The following JMJD8 variants were observed in gnomAD, a reference collection of about 807,000 sequenced individuals.
The protein encoded by JMJD8 is jmjC domain-containing protein 8.
In JMJD8, 56 loss-of-function variants were observed where a neutral mutation model predicts 37.6. The ratio of observed to expected loss-of-function variants is 1.49; its 90% CI spans 1.20 to 1.86. JMJD8 has a LOEUF of 1.86. Ranked by LOEUF, JMJD8 falls within the 40% of genes most tolerant of loss-of-function variation. The pLI is 0.00. For synonymous variants in JMJD8, 261 were observed against 163.7 expected (o/e 1.59, Z -4.54); for missense variants, 542 against 362.7 (o/e 1.49, Z -4.01).
At position 682,515 on chromosome 16, in the gene JMJD8, G is replaced by T; in HGVS notation, c.*279C>A. The T allele has an allele frequency of 6.2e-7, 1 of 1,612,508 alleles. No homozygotes were observed. Among genetic ancestry groups the T allele is most frequent in the Non-Finnish European group, 8.5e-7 (1 of 1,179,670 alleles). On this transcript the variant is annotated 3_prime_UTR_variant, in exon 9 of 9. Transcript: ENST00000609261. Reference sequence around the variant, plus strand: ...GGTTCCCTGCCCTACCTGGCGTCCTGGTCCAGGGGAGCCCTGGGCAGAAGC... The same window carrying T: ...GGTTCCCTGCCCTACCTGGCGTCCTTGTCCAGGGGAGCCCTGGGCAGAAGC...
chr16:683,779 C>A lies in JMJD8; in HGVS notation c.228G>T (p.Arg76Ser). Residue 76 changes from arginine (R) to serine (S), a missense_variant and splice_region_variant, in exon 4 of 9, where the codon AGG becomes AGT. Arg to Ser is a moderately radical substitution (Grantham distance 110). Coordinates refer to ENST00000609261, the MANE Select transcript of JMJD8 (RefSeq NM_001005920.4). ...VILQGLTDNS[R>S]FRALCSRDRL... Reference sequence around the variant, plus strand: ...TGTCGCGGGAGCACAGGGCCCGGAACCTCTGCGGGGGCGGGGAGGGGACTT... The same window carrying A: ...TGTCGCGGGAGCACAGGGCCCGGAAACTCTGCGGGGGCGGGGAGGGGACTT... 1 of 1,606,226 alleles carries A rather than the reference C, an allele frequency of 6.2e-7. No homozygotes were observed. The highest frequency in any genetic ancestry group is 8.5e-7 in the Non-Finnish European group (1 of 1,177,104).
chr16:684,022 G>T (rs1304451752), intron 2 of JMJD8, 44 bp downstream of exon 2: 2 of 1,568,022 alleles, frequency 1.3e-6, no homozygotes, highest in South Asian at 2.3e-5. Flanking sequence ...GGGCAGACGG[G>T]CCGGTGAACA....
rs776420609 is a variant in JMJD8, at chr16:684,023, C to T, written c.176+43G>A. 4.5e-6 allele frequency: 7 copies of T among 1,568,706 alleles called. 1 individual carries two copies. In the South Asian group the frequency reaches 4.6e-5, roughly 10 times the overall value. On this transcript the variant is annotated intron_variant, in intron 2 of 8. Coordinates refer to ENST00000609261, the MANE Select transcript of JMJD8 (RefSeq NM_001005920.4). ...GCCTTGGGCGGTCGGGGCAGACGGG[C>T]CGGTGAACAGGACGCGACCTCCGCG...
Position 682,557 on chromosome 16 carries a change from T to C in JMJD8, c.*237A>G, listed in dbSNP as rs2039714666. The C allele has an allele frequency of 1.9e-6, 3 of 1,597,250 alleles. No homozygotes were observed. The highest frequency in any genetic ancestry group is 2.2e-5 in the South Asian group (2 of 89,798). ...GGCAGAAGCCCCCGGCCCCTATACA[T>C]AGTTTATGTTCCTGGCCACCCCGAC... is the stretch of plus-strand genomic sequence containing the variant. On this transcript the variant is annotated 3_prime_UTR_variant, in exon 9 of 9. Transcript: ENST00000609261.
rs1265262456 is a variant in JMJD8, at chr16:683,607, AAG to A, written c.323-11_323-10del. ...CTGGAAGGGCAAGTCCACTGCAGGA[AAG>A]AGACGGGTCAGGACCGTCTGGTCCA... On this transcript the variant is annotated splice_polypyrimidine_tract_variant and intron_variant, in intron 4 of 8. Coordinates refer to ENST00000609261, the MANE Select transcript of JMJD8 (RefSeq NM_001005920.4). 1 of 1,577,598 alleles carries A rather than the reference AAG, an allele frequency of 6.3e-7. No individual in the cohort carries two copies. The highest frequency in any genetic ancestry group is 1.8e-5 in the Admixed American group (1 of 54,478).
In JMJD8 at chr16:683,741, G is replaced by A. The variant is rs547697921; in HGVS notation, c.266C>T (p.Ser89Leu). The change falls in exon 4 of 9, where the codon TCG becomes TTG. Residue 89 changes from serine (S) to leucine (L), a missense_variant. By Grantham distance (145) the Ser-to-Leu change is moderately radical. Transcript: ENST00000609261. Reference sequence around the variant, plus strand: ...CAGCCGGACCACTCTGTCCCCAAACGAAGCCAGCAACCTGTCGCGGGAGCA... The same window carrying A: ...CAGCCGGACCACTCTGTCCCCAAACAAAGCCAGCAACCTGTCGCGGGAGCA... ...ALCSRDRLLA[S>L]FGDRVVRLST... 3.1e-6 allele frequency: 5 copies of A among 1,610,140 alleles called. No homozygotes were observed. The South Asian group carries it at 3.3e-5, about 11-fold the overall frequency.
chr16:682,572 G>C lies in JMJD8; in HGVS notation c.*222C>G, dbSNP rs1011904583. 14 of 1,577,452 alleles carry C rather than the reference G, an allele frequency of 8.9e-6. No individual in the cohort carries two copies. Among genetic ancestry groups the C allele is most frequent in the Non-Finnish European group, 1.1e-5 (13 of 1,157,590 alleles). On this transcript the variant is annotated 3_prime_UTR_variant, in exon 9 of 9. Transcript: ENST00000609261. ...CCCCTATACATAGTTTATGTTCCTG[G>C]CCACCCCGACCGCTTCCCCCAAGTT...
rs756433419 is a variant in JMJD8 at position 683,009 on chromosome 16, A to G, written c.658T>C (p.Tyr220His). The G allele has an allele frequency of 4.3e-6, 7 of 1,613,366 alleles. No individual in the cohort carries two copies. The highest frequency in any genetic ancestry group is 5.9e-6 in the Non-Finnish European group (7 of 1,179,860). ...CGTGCAGACGGTGGCAGGGCTGGGT[A>G]TGTGTCCCGGAGCCAGGCCAGCGTG... ...KTTLAWLRDT[Y>H]PALPPSARPL... is the part of the protein sequence containing the mutation. Residue 220 changes from tyrosine (Y) to histidine (H), a missense_variant, in exon 8 of 9, where the codon TAC becomes CAC. Tyr to His is a moderately conservative substitution (Grantham distance 83). Transcript: ENST00000609261.
rs2039683136 is a variant in JMJD8 at position 682,040 on chromosome 16, G to A, written c.*754C>T. The A allele has an allele frequency of 3.1e-6, 5 of 1,590,492 alleles. No homozygotes were observed. Among genetic ancestry groups the A allele is most frequent in the East Asian group, 2.3e-5 (1 of 44,338 alleles). On this transcript the variant is annotated 3_prime_UTR_variant, in exon 9 of 9. Coordinates refer to ENST00000609261, the MANE Select transcript of JMJD8 (RefSeq NM_001005920.4). The stretch of plus-strand genomic sequence containing the variant: ...CACAGGACAAGTACATGGCGGACAT[G>A]GACGAGCTTTTTTCTCAGGTGGATG...
rs777761356 is a variant in JMJD8, at chr16:683,679, G to A, written c.322+6C>T. ...ATGGGCGGGCCCCAGGGGTGAGGCC[G>A]CGTACCTTTGTGGTAGGAGTAGGTG... On this transcript the variant is annotated splice_donor_region_variant and intron_variant, in intron 4 of 8. Coordinates refer to ENST00000609261, the MANE Select transcript of JMJD8 (RefSeq NM_001005920.4). 1.1e-5 allele frequency: 18 copies of A among 1,597,306 alleles called. No individual in the cohort carries two copies. The highest frequency in any genetic ancestry group is 9.0e-5 in the South Asian group (8 of 88,620).
chr16:681,716 G>C lies in JMJD8; in HGVS notation c.*1078C>G. On this transcript the variant is annotated 3_prime_UTR_variant, in exon 9 of 9. Transcript: ENST00000609261. ...CAAGCAGGAAATGTGGGGAAGTGTG[G>C]ATGTTAGCTCTGAGATTGGGGTGTG... 6.4e-7 allele frequency: 1 copy of C among 1,552,486 alleles called. No homozygotes were observed. Among genetic ancestry groups the C allele is most frequent in the East Asian group, 2.3e-5 (1 of 44,168 alleles).
chr16:684,147 C>T lies in JMJD8; in HGVS notation c.95G>A (p.Gly32Asp), dbSNP rs2151512750. 8.8e-6 allele frequency: 13 copies of T among 1,483,164 alleles called. No individual in the cohort carries two copies. Among genetic ancestry groups the T allele is most frequent in the Middle Eastern group, 2.0e-4 (1 of 5,032 alleles). 91.9% of individuals were successfully genotyped at this position (1,483,164 alleles called of 1,614,324 possible). The change falls in exon 2 of 9, where the codon GGC becomes GAC. Residue 32 changes from glycine to aspartate, a missense_variant. Physicochemically the swap from Gly to Asp is moderately conservative, Grantham distance 94 (BLOSUM62 -1). Coordinates refer to ENST00000609261, the MANE Select transcript of JMJD8 (RefSeq NM_001005920.4). Reference sequence around the variant, plus strand: ...CTCCTCCGCCACGGCCCCCGGCCCGCCCGGGCGCCTGCGGGCACAGCTGGG... The same window carrying T: ...CTCCTCCGCCACGGCCCCCGGCCCGTCCGGGCGCCTGCGGGCACAGCTGGG... The part of the protein sequence containing the change: ...GAEGDGGWRP[G>D]GPGAVAEEER...
At position 682,001 on chromosome 16, in the gene JMJD8, A is replaced by G. The variant is rs1239820446; in HGVS notation, c.*793T>C. The G allele has an allele frequency of 3.7e-6, 6 of 1,609,962 alleles. No homozygotes were observed. Among genetic ancestry groups the G allele is most frequent in the African/African-American group, 1.3e-5 (1 of 74,882 alleles). ...GAGGTGGGGTGTCTCCCCCAAGCAC[A>G]GCACTCAACTCTTCACAGGACAAGT... On this transcript the variant is annotated 3_prime_UTR_variant, in exon 9 of 9. Coordinates refer to ENST00000609261, the MANE Select transcript of JMJD8 (RefSeq NM_001005920.4).
rs541510778 is a variant in JMJD8, at chr16:681,943, G to C, written c.*851C>G. On this transcript the variant is annotated 3_prime_UTR_variant, in exon 9 of 9. Transcript: ENST00000609261. Reference sequence around the variant, plus strand: ...GTGCACGTGGCGTGGGAGCATCCCCGCCTTGTGTTGGGTCTGTGCCCCATG... The same window carrying C: ...GTGCACGTGGCGTGGGAGCATCCCCCCCTTGTGTTGGGTCTGTGCCCCATG... 1.7e-5 allele frequency: 28 copies of C among 1,612,436 alleles called. No individual in the cohort carries two copies. The highest frequency in any genetic ancestry group is 4.4e-5 in the South Asian group (4 of 91,050).
rs755200477 is a variant in JMJD8, at chr16:681,990, C to T, written c.*804G>A. 1.9e-5 allele frequency: 30 copies of T among 1,610,370 alleles called. No individual in the cohort carries two copies. The Admixed American group carries it at 4.3e-4, about 23-fold the overall frequency. ...CATGGAGGAGGGAGGTGGGGTGTCT[C>T]CCCCAAGCACAGCACTCAACTCTTC... On this transcript the variant is annotated 3_prime_UTR_variant, in exon 9 of 9. Coordinates refer to ENST00000609261, the MANE Select transcript of JMJD8 (RefSeq NM_001005920.4).
chr16:683,254 T>G lies in JMJD8; in HGVS notation c.512-20A>C. ...CAGCTCCTGTGGGGTTATGAGCACC[T>G]GGTGACCAACCCATTTTGTACTCAC... On this transcript the variant is annotated intron_variant, in intron 6 of 8. Transcript: ENST00000609261. 6.2e-7 allele frequency: 1 copy of G among 1,613,064 alleles called. No individual in the cohort carries two copies. Among genetic ancestry groups the G allele is most frequent in the South Asian group, 1.1e-5 (1 of 91,078 alleles).
At position 683,535 on chromosome 16, in the gene JMJD8, C is replaced by A; in HGVS notation, c.386G>T (p.Gly129Val). Residue 129 changes from glycine (G) to valine (V), a missense_variant, in exon 5 of 9, where the codon GGC becomes GTC. Gly to Val is a moderately radical substitution (Grantham distance 109, BLOSUM62 -3). Transcript: ENST00000609261. ...LLHPQDPTSL[G>V]NDTLYFFGDN... ...GCCGCCTAGGGCTGCCTCACCATTG[C>A]CCAGGGAGGTGGGGTCCTGGGGGTG... The A allele has an allele frequency of 6.4e-7, 1 of 1,557,714 alleles. No individual in the cohort carries two copies. The highest frequency in any genetic ancestry group is 8.7e-7 in the Non-Finnish European group (1 of 1,150,740).
At chr16:683,961 C>G in intron 2 of JMJD8, 52 bp from the exon 3 acceptor site, 1 of 1,557,916 alleles carries the variant, frequency 6.4e-7, no homozygotes, top group South Asian at 1.2e-5. Flanking sequence ...CCTCGCCGCC[C>G]CAGCCCCACG....
intron 6 of JMJD8, 34 bp from the exon 7 acceptor site, chr16:683,268 T>C (rs1349791541): frequency 2.5e-6 from 4 of 1,612,736 alleles, no homozygotes; most frequent in Non-Finnish European, 3.4e-6. Context: ...GACCAACCCA[T>C]TTTGTACTCA....
Sources: allele counts gnomAD v4.1 joint callset, GRCh38; gene constraint gnomAD v4.1.1; transcripts MANE v1.5; gene names NCBI Gene and HGNC (gene_info 2026-07-23, HGNC 2026-07-21).